Variants in KCNJ3 observed in about 807,000 individuals in gnomAD.
The protein encoded by KCNJ3 is G protein-activated inward rectifier potassium channel 1.
KCNJ3 carries 4 observed loss-of-function variants against 39.2 expected under a neutral mutation model. The observed-to-expected ratio is 0.10, with a 90% confidence interval of 0.05 to 0.23. The LOEUF is 0.23. Among genes scored for constraint, KCNJ3 ranks in the 10% least tolerant of loss-of-function variants. The pLI, the probability that KCNJ3 is intolerant of heterozygous loss-of-function variation, is 1.00. For synonymous variants in KCNJ3, 230 were observed against 237.4 expected (o/e 0.97, Z 0.29); for missense variants, 276 against 634.9 (o/e 0.43, Z 6.08).
intron 2 of KCNJ3, among the ~76,000 whole-genome samples, chr2:154,737,919 A>G (rs919529165): frequency 1.3e-5 from 2 of 152,180 alleles, no homozygotes. Flanking sequence ...AAGAAGCTCA[A>G]TAAATCTCAA....
At chr2:154,727,063 T>C (rs575677576) in intron 2 of KCNJ3, among the ~76,000 whole-genome samples, 7 of 152,226 alleles carry the variant, frequency 4.6e-5, no homozygotes, top group Admixed American at 3.9e-4. Flanking sequence ...TTGGTTACAA[T>C]GTACACTGCT....
At chr2:154,825,003 T>A (rs1687244481) in intron 2 of KCNJ3, among the ~76,000 whole-genome samples, 1 of 152,224 alleles carries the variant, frequency 6.6e-6, no homozygotes, top group Non-Finnish European at 1.5e-5. Context: ...TGAGTATTTC[T>A]CTTAAGATAA....
intron 2 of KCNJ3, among the ~76,000 whole-genome samples, chr2:154,793,606 G>A (rs1686673315): frequency 6.6e-6 from 1 of 151,958 alleles, no homozygotes; most frequent in Admixed American, 6.6e-5. Context: ...TTTCTAAAGT[G>A]TTGTCTAAAG....
chr2:154,742,620 A>T (rs1049402770), intron 2 of KCNJ3, among the ~76,000 whole-genome samples: 2 of 151,818 alleles, frequency 1.3e-5, no homozygotes, highest in Non-Finnish European at 2.9e-5. Context: ...TTCACTGATG[A>T]TGACTGATAC....
At chr2:154,731,013 A>G (rs1685440469) in intron 2 of KCNJ3, among the ~76,000 whole-genome samples, 2 of 152,194 alleles carry the variant, frequency 1.3e-5, no homozygotes, top group South Asian at 4.1e-4. Flanking sequence ...TTATAATACT[A>G]GAAGAATGCC....
At chr2:154,795,919 G>A (rs1054576158) in intron 2 of KCNJ3, among the ~76,000 whole-genome samples, 1 of 152,066 alleles carries the variant, frequency 6.6e-6, no homozygotes, top group African/African-American at 2.4e-5. Context: ...GAGTATGAAT[G>A]ACAGTAACTC....
chr2:154,763,556 G>C (rs544628323), intron 2 of KCNJ3, among the ~76,000 whole-genome samples: 84 of 152,240 alleles, frequency 5.5e-4, no homozygotes, highest in Non-Finnish European at 5.4e-4. Context: ...TTTGGAAGTA[G>C]GTACTCACTT....
chr2:154,727,197 A>G (rs1289675876), intron 2 of KCNJ3, among the ~76,000 whole-genome samples: 1 of 152,174 alleles, frequency 6.6e-6, no homozygotes, highest in African/African-American at 2.4e-5. Context: ...CTATTTTACT[A>G]GTTCTTAACA....
At position 154,855,111 on chromosome 2, in the gene KCNJ3, T is replaced by G. The variant is rs1286474543; in HGVS notation, c.1304T>G (p.Met435Arg). ...GCCTACAGCTTGGGAGACTTGCCCATGAAACTTCAACGAATAAGTTCAGTT... is the reference window on the plus strand; with the variant it reads ...GCCTACAGCTTGGGAGACTTGCCCAGGAAACTTCAACGAATAAGTTCAGTT... ...EKAYSLGDLP[M>R]KLQRISSVPG... The change falls in exon 3 of 3, where the codon ATG (methionine) becomes AGG (arginine). Residue 435 changes from methionine to arginine, a missense_variant. Around this residue, in one of 4 missense-constraint regions of KCNJ3, gnomAD observed 126 missense variants for 179.8 expected, o/e 0.70. Coordinates refer to ENST00000295101, the MANE Select transcript of KCNJ3 (RefSeq NM_002239.4). 2 of 1,613,944 alleles carry G rather than the reference T, an allele frequency of 1.2e-6. No homozygotes were observed. The highest frequency in any genetic ancestry group is 4.5e-5 in the East Asian group (2 of 44,874).
At chr2:154,811,290 A>G (rs1687004133) in intron 2 of KCNJ3, among the ~76,000 whole-genome samples, 1 of 152,090 alleles carries the variant, frequency 6.6e-6, no homozygotes, top group African/African-American at 2.4e-5. Context: ...AAAATGTGAT[A>G]GGAGGGTGGT....
intron 2 of KCNJ3, among the ~76,000 whole-genome samples, chr2:154,807,906 T>C (rs1686940341): frequency 1.3e-5 from 2 of 152,078 alleles, no homozygotes; most frequent in Admixed American, 1.3e-4. Flanking sequence ...TCTATCCCTC[T>C]TGGGTTCTAA....
In KCNJ3 at chr2:154,792,029, G is replaced by A. The variant is rs1014164752; in HGVS notation, c.920-62698G>A. Among the ~76,000 whole-genome samples the A allele has an allele frequency of 2.6e-5, 4 of 152,010 alleles. No homozygotes were observed. The East Asian group carries it at 5.8e-4, about 22-fold the overall frequency. On this transcript the variant is annotated intron_variant, in intron 2 of 2. Coordinates refer to ENST00000295101, the MANE Select transcript of KCNJ3 (RefSeq NM_002239.4). ...CTTTTATATTTCTAATCCTGTACAC[G>A]TGGCTTCCCAAACACAAAACAGTTT...
At chr2:154,777,497 T>G (rs561042235) in intron 2 of KCNJ3, among the ~76,000 whole-genome samples, 2 of 152,300 alleles carry the variant, frequency 1.3e-5, no homozygotes, top group Non-Finnish European at 2.9e-5. Context: ...TCAAAAAATT[T>G]TATTTATCTT....
intron 2 of KCNJ3, among the ~76,000 whole-genome samples, chr2:154,724,523 A>G (rs1249384282): frequency 1.3e-5 from 2 of 152,068 alleles, no homozygotes; most frequent in Non-Finnish European, 2.9e-5. Context: ...AGCCTAAGTT[A>G]TTAAACATTT....
intron 2 of KCNJ3, among the ~76,000 whole-genome samples, chr2:154,805,384 T>C (rs1305807128): frequency 6.6e-6 from 1 of 152,106 alleles, no homozygotes; most frequent in Non-Finnish European, 1.5e-5. Flanking sequence ...GAAGGAGAAA[T>C]CTTGTGAAGT....
intron 2 of KCNJ3, among the ~76,000 whole-genome samples, chr2:154,734,026 C>A (rs2105169332): frequency 6.6e-6 from 1 of 152,252 alleles, no homozygotes; most frequent in Non-Finnish European, 1.5e-5. Context: ...TACAAACTTT[C>A]ACAATGTGAA....
chr2:154,852,843 C>G (rs1687779010), intron 2 of KCNJ3, among the ~76,000 whole-genome samples: 1 of 151,906 alleles, frequency 6.6e-6, no homozygotes, highest in South Asian at 2.1e-4. Flanking sequence ...GGGGCTATTC[C>G]TCACGTAAAA....
intron 2 of KCNJ3, among the ~76,000 whole-genome samples, chr2:154,832,568 T>C (rs931958915): frequency 1.3e-5 from 2 of 152,316 alleles, no homozygotes; most frequent in South Asian, 2.1e-4. Context: ...CTTAACCAAT[T>C]GATGTCTGAA....
chr2:154,766,994 C>G (rs541227145), intron 2 of KCNJ3, among the ~76,000 whole-genome samples: 5 of 152,112 alleles, frequency 3.3e-5, no homozygotes, highest in Non-Finnish European at 7.4e-5. Flanking sequence ...GATATTAATA[C>G]TAGATAAGAC....
Sources: gnomAD v4.1 joint callset for allele counts (sites outside exome capture counted in the v4.1 genomes callset) on GRCh38, gnomAD v4.1.1 for gene constraint, gnomAD v4.1.1 regional missense constraint, MANE v1.5 for transcripts, NCBI Gene and HGNC (gene_info 2026-07-23, HGNC 2026-07-21) for gene names.